OSBPL9: variants seen among roughly 807,000 people sequenced by gnomAD.
The protein encoded by OSBPL9 is oxysterol binding protein like 9.
In OSBPL9, 40 loss-of-function variants were observed where a neutral mutation model predicts 106.6. That is an observed-to-expected ratio of 0.38 (90% CI 0.29 to 0.49). The LOEUF (loss-of-function observed/expected upper bound fraction) is 0.49. OSBPL9 is among the 20% of genes least tolerant of loss of function. OSBPL9 has a pLI of 0.97. For missense variants in OSBPL9, 609 were observed against 887.2 expected, an observed-to-expected ratio of 0.69 and a Z score of 3.98; for synonymous variants, 269 against 295.4, an observed-to-expected ratio of 0.91 and a Z score of 0.92.
At chr1:51,673,768 C>CT (rs1240960266) in intron 3 of OSBPL9, among the ~76,000 whole-genome samples, 1 of 152,138 alleles carries the variant, frequency 6.6e-6, no homozygotes, top group African/African-American at 2.4e-5. Context: ...ATTCAGGAGG[C>CT]TGAGGCCAGA....
intron 15 of OSBPL9, among the ~76,000 whole-genome samples, chr1:51,779,547 C>T (rs1675829006): frequency 6.6e-6 from 1 of 152,132 alleles, no homozygotes; most frequent in Non-Finnish European, 1.5e-5. Context: ...ATAGATGGAA[C>T]TTAGTCAAAT....
intron 7 of OSBPL9, 102 bp downstream of exon 7, chr1:51,748,500 T>C: frequency 1.6e-6 from 2 of 1,242,700 alleles, no homozygotes; most frequent in Non-Finnish European, 2.1e-6. Context: ...ATTGAGATGT[T>C]AGTTTTTATG....
At chr1:51,691,751 TTA>T (rs1189255946) in intron 3 of OSBPL9, among the ~76,000 whole-genome samples, 2 of 152,154 alleles carry the variant, frequency 1.3e-5, no homozygotes, top group Non-Finnish European at 2.9e-5. Flanking sequence ...AGATTTTTTT[TTA>T]TGTTTTAAAG....
rs1428186172 is a variant in OSBPL9 at position 51,788,886 on chromosome 1, A to AAAAC, written c.*1099_*1102dup. Reference sequence around the variant, plus strand: ...CTTTTTTATTTAAAAATACATTAAAAAAACAGGTATTAGTACCTAGCATTT... The same window carrying AAAAC: ...CTTTTTTATTTAAAAATACATTAAAAAAACAAACAGGTATTAGTACCTAGCATTT... On this transcript the variant is annotated 3_prime_UTR_variant, in exon 24 of 24. Coordinates refer to ENST00000428468, the MANE Select transcript of OSBPL9 (RefSeq NM_024586.6). Among the ~76,000 whole-genome samples, 2 of 150,620 alleles carry AAAAC rather than the reference A, an allele frequency of 1.3e-5. No individual in the cohort carries two copies. Among genetic ancestry groups the AAAAC allele is most frequent in the Admixed American group, 6.6e-5 (1 of 15,166 alleles).
intron 20 of OSBPL9, 44 bp downstream of exon 20, chr1:51,784,626 T>A: frequency 6.3e-7 from 1 of 1,589,668 alleles, no homozygotes; most frequent in Non-Finnish European, 8.6e-7. Context: ...TTTTCTGAAA[T>A]AACTGCCTTT....
At chr1:51,649,936 G>A (rs932362995) in intron 1 of OSBPL9, among the ~76,000 whole-genome samples, 18 of 151,912 alleles carry the variant, frequency 1.2e-4, no homozygotes, top group Non-Finnish European at 2.5e-4. Flanking sequence ...GTGCAGGGGT[G>A]TGGTCATGGC....
chr1:51,743,356 G>A (rs187059944), intron 4 of OSBPL9, among the ~76,000 whole-genome samples: 1 of 152,130 alleles, frequency 6.6e-6, no homozygotes, highest in Admixed American at 6.5e-5. Context: ...TCAAGGTGAG[G>A]TTTATATGAT....
intron 2 of OSBPL9, among the ~76,000 whole-genome samples, chr1:51,601,358 G>A (rs935439629): frequency 6.6e-6 from 1 of 152,118 alleles, no homozygotes; most frequent in Admixed American, 6.6e-5. Flanking sequence ...GAGAACTTTG[G>A]TCTAAAGACA....
chr1:51,723,933 T>C (rs1011762973), intron 4 of OSBPL9, among the ~76,000 whole-genome samples: 15 of 152,258 alleles, frequency 9.9e-5, no homozygotes, highest in Admixed American at 5.9e-4. Flanking sequence ...TCTAGGTTGG[T>C]ATTTTTTTCT....
intron 1 of OSBPL9, among the ~76,000 whole-genome samples, chr1:51,646,209 G>A (rs1032282344): frequency 6.6e-6 from 1 of 152,154 alleles, no homozygotes; most frequent in African/African-American, 2.4e-5. Context: ...AATTTAGGGA[G>A]TACTGCCATC....
intron 4 of OSBPL9, chr1:51,730,269 T>C (rs1362604622): frequency 2.7e-6 from 2 of 738,426 alleles, no homozygotes; most frequent in Non-Finnish European, 3.7e-6. Context: ...AGGAGGTCTC[T>C]TTTTTTCTAT....
the OSBPL9 span, among the ~76,000 whole-genome samples, chr1:51,545,674 C>T: frequency 2.0e-5 from 3 of 152,182 alleles, no homozygotes; most frequent in Non-Finnish European, 4.4e-5. Context: ...ACTCAGGAGG[C>T]TGAGGTGAGA....
At chr1:51,574,998 C>T (rs1645174644), upstream of OSBPL9, among the ~76,000 whole-genome samples, 1 of 152,188 alleles carries the variant, frequency 6.6e-6, no homozygotes, top group Admixed American at 6.5e-5. Context: ...TCTTGGCACT[C>T]CAACCAAATG....
At chr1:51,652,117 A>C (rs887657220) in intron 2 of OSBPL9, 76 bp downstream of exon 2, 1 of 1,175,014 alleles carries the variant, frequency 8.5e-7, no homozygotes, top group Non-Finnish European at 1.2e-6. Flanking sequence ...ATGGAAGTCT[A>C]AATTTAGTTT....
chr1:51,771,319 T>A (rs72900019), intron 12 of OSBPL9, among the ~76,000 whole-genome samples: 4,619 of 152,250 alleles, frequency 0.03, 137 homozygotes, highest in Middle Eastern at 0.088. Context: ...GTGCCTTTTT[T>A]ATTTTTCCTT....
At chr1:51,581,257 T>G (rs1018317733) in intron 1 of OSBPL9, among the ~76,000 whole-genome samples, 3 of 151,882 alleles carry the variant, frequency 2.0e-5, no homozygotes, top group African/African-American at 7.3e-5. Flanking sequence ...GTCTGATGTT[T>G]TTCTCTTGGT....
At chr1:51,548,499 C>T in the OSBPL9 span, among the ~76,000 whole-genome samples, 2 of 151,860 alleles carry the variant, frequency 1.3e-5, no homozygotes, top group South Asian at 2.1e-4. Flanking sequence ...TGGGCTCAAG[C>T]GATCCTCTAA....
chr1:51,529,441 C>T, the OSBPL9 span, among the ~76,000 whole-genome samples: 6 of 152,124 alleles, frequency 3.9e-5, no homozygotes, highest in East Asian at 9.7e-4. Context: ...GACAGGGTTT[C>T]ACCGTGTTAG....
chr1:51,582,281 A>C (rs1645225260), intron 1 of OSBPL9, among the ~76,000 whole-genome samples: 1 of 152,176 alleles, frequency 6.6e-6, no homozygotes, highest in Non-Finnish European at 1.5e-5. Context: ...CAAAATTACC[A>C]AAAGGAAGTG....
Sources: allele counts gnomAD v4.1 joint callset (sites outside exome capture counted in the v4.1 genomes callset), GRCh38; gene constraint gnomAD v4.1.1; transcripts MANE v1.5; gene names NCBI Gene and HGNC (gene_info 2026-07-23, HGNC 2026-07-21).